Variants in FGF13 observed in about 807,000 individuals in gnomAD.
The protein encoded by FGF13 is fibroblast growth factor homologous factor 2.
In FGF13, 2 loss-of-function variants were observed where a neutral mutation model predicts 19.5. The observed-to-expected ratio is 0.10, with a 90% CI of 0.04 to 0.32. The LOEUF (loss-of-function observed/expected upper bound fraction) is 0.32. Among genes scored for constraint, FGF13 ranks in the 10% least tolerant of loss-of-function variants. FGF13 has a pLI of 1.00. For synonymous variants in FGF13, 72 were observed against 76.9 expected (o/e 0.94, Z 0.33); for missense variants, 113 against 192.7 (o/e 0.59, Z 2.45).
At position 139,066,275 on chromosome X, in the gene FGF13, G is replaced by C. The variant is rs191603130; in HGVS notation, c.-113+137141C>G. Among the ~76,000 whole-genome samples the C allele has an allele frequency of 4.1e-3, 456 of 111,080 alleles. 2 individuals carry two copies. The highest frequency in any genetic ancestry group is 0.014 in the African/African-American group (435 of 30,602). ...ACAATTAAAAGAACTAGAGAAGGAA[G>C]AGCAAACACATTCAAAAGCTAGCAG... On this transcript the variant is annotated intron_variant, in intron 1 of 2. Coordinates refer to the FGF13 transcript ENST00000421460.
intron 1 of FGF13, among the ~76,000 whole-genome samples, chrX:139,065,481 C>CAAAAAA (rs767805587): frequency 3.9e-4 from 12 of 30,579 alleles, no homozygotes; most frequent in East Asian, 1.2e-3. Context: ...AAACGGAAAG[C>CAAAAAA]AAAAAAAAAA....
chrX:138,912,196 T>A (rs1245986870), intron 1 of FGF13, among the ~76,000 whole-genome samples: 1 of 112,178 alleles, frequency 8.9e-6, no homozygotes, highest in Admixed American at 9.4e-5. Flanking sequence ...GATAGCTTCA[T>A]TCACCCCAAT....
chrX:138,781,682 A>G (rs1016223375), intron 3 of FGF13, among the ~76,000 whole-genome samples: 5 of 111,768 alleles, frequency 4.5e-5, no homozygotes, highest in Non-Finnish European at 9.4e-5. Flanking sequence ...TACCAACCAA[A>G]AAGAGTCCAG....
intron 3 of FGF13, among the ~76,000 whole-genome samples, chrX:138,664,029 T>C (rs759381784): frequency 1.8e-5 from 2 of 111,844 alleles, no homozygotes; most frequent in Non-Finnish European, 3.8e-5. Context: ...TTAGGTTTCA[T>C]TCAGCACACC....
intron 3 of FGF13, among the ~76,000 whole-genome samples, chrX:138,793,823 T>C (rs1225680530): frequency 8.9e-6 from 1 of 112,007 alleles, no homozygotes; most frequent in Non-Finnish European, 1.9e-5. Context: ...GTATGTAAAA[T>C]TGGGATAGTG....
intron 1 of FGF13, among the ~76,000 whole-genome samples, chrX:138,911,294 C>G (rs1051687503): frequency 1.8e-5 from 2 of 111,224 alleles, no homozygotes; most frequent in Non-Finnish European, 3.8e-5. Flanking sequence ...CAAAGTCTAT[C>G]TCATCATGTC....
chrX:139,171,154 T>A (rs1049044284), intron 1 of FGF13, among the ~76,000 whole-genome samples: 4 of 110,067 alleles, frequency 3.6e-5, no homozygotes, highest in Non-Finnish European at 1.9e-5. Context: ...AACTGGATTA[T>A]GAGAACCTAG....
chrX:139,043,774 C>T (rs2092278291), intron 1 of FGF13, among the ~76,000 whole-genome samples: 1 of 112,160 alleles, frequency 8.9e-6, no homozygotes, highest in Admixed American at 9.4e-5. Flanking sequence ...CTATGGAATA[C>T]TATGCAGTCC....
chrX:138,681,844 C>T (rs1039957394), intron 3 of FGF13, among the ~76,000 whole-genome samples: 1 of 111,671 alleles, frequency 9.0e-6, no homozygotes, highest in African/African-American at 3.3e-5. Flanking sequence ...GAGCAGTCAG[C>T]ACACACACAA....
intron 1 of FGF13, among the ~76,000 whole-genome samples, chrX:138,889,771 C>G (rs1051004820): frequency 2.7e-5 from 3 of 111,474 alleles, no homozygotes; most frequent in Non-Finnish European, 5.6e-5. Context: ...AAGGCTAGAA[C>G]AGAGAAAAGT....
chrX:138,832,777 G>C (rs2091083457), intron 3 of FGF13, among the ~76,000 whole-genome samples: 1 of 111,945 alleles, frequency 8.9e-6, no homozygotes, highest in Admixed American at 9.5e-5. Context: ...TTTTCTTCTA[G>C]GGTTTTTATA....
intron 3 of FGF13, among the ~76,000 whole-genome samples, chrX:138,651,873 G>A (rs2089377791): frequency 8.9e-6 from 1 of 111,733 alleles, no homozygotes; most frequent in African/African-American, 3.3e-5. Flanking sequence ...CTCCTTGATA[G>A]CATTCCCTAA....
At chrX:139,115,390 C>T (rs2124467797) in intron 1 of FGF13, among the ~76,000 whole-genome samples, 1 of 112,201 alleles carries the variant, frequency 8.9e-6, no homozygotes, top group African/African-American at 3.2e-5. Context: ...CTAGGTGAGG[C>T]TTCCAAGGAT....
intron 1 of FGF13, among the ~76,000 whole-genome samples, chrX:138,877,947 G>A (rs2091400337): frequency 9.0e-6 from 1 of 111,047 alleles, no homozygotes; most frequent in Non-Finnish European, 1.9e-5. Flanking sequence ...TATACACCTG[G>A]GAATGGAATT....
intron 3 of FGF13, among the ~76,000 whole-genome samples, chrX:138,851,351 C>T (rs910593928): frequency 8.9e-6 from 1 of 111,747 alleles, no homozygotes. Flanking sequence ...TTTACATTCC[C>T]ACCAACAGTG....
intron 1 of FGF13, among the ~76,000 whole-genome samples, chrX:138,968,161 T>C (rs1003863797): frequency 1.8e-5 from 2 of 112,238 alleles, no homozygotes; most frequent in African/African-American, 6.5e-5. Flanking sequence ...AGCAAGAAGA[T>C]ATGAAGGCAA....
intron 1 of FGF13, among the ~76,000 whole-genome samples, chrX:139,179,333 G>A (rs746800904): frequency 4.5e-5 from 5 of 110,990 alleles, no homozygotes; most frequent in African/African-American, 1.3e-4. Context: ...CCCATTCGAA[G>A]AATCATTCTT....
chrX:138,991,125 T>C (rs759892802), intron 1 of FGF13, among the ~76,000 whole-genome samples: 3 of 112,059 alleles, frequency 2.7e-5, no homozygotes, highest in Admixed American at 9.5e-5. Flanking sequence ...TGAAATTTAG[T>C]AGTCACTACT....
At chrX:139,034,679 C>A (rs2092244818) in intron 1 of FGF13, among the ~76,000 whole-genome samples, 1 of 111,220 alleles carries the variant, frequency 9.0e-6, no homozygotes, top group Admixed American at 9.6e-5. Context: ...GAAGACTGGG[C>A]TTATTTTTCT....
Sources: gnomAD v4.1 joint callset for allele counts (sites outside exome capture counted in the v4.1 genomes callset) on GRCh38, gnomAD v4.1.1 for gene constraint, MANE v1.5 for transcripts, NCBI Gene and HGNC (gene_info 2026-07-23, HGNC 2026-07-21) for gene names.